The following TRHDE variants were observed in gnomAD, a reference collection of about 807,000 sequenced individuals.
TRHDE encodes the protein thyrotropin releasing hormone degrading enzyme.
In TRHDE, 72 loss-of-function variants were observed where a neutral mutation model predicts 125.7. The ratio of observed to expected loss-of-function variants is 0.57; its 90% CI spans 0.47 to 0.70. The LOEUF is 0.70. Among genes scored for constraint, TRHDE ranks in the 30% least tolerant of loss-of-function variants. The pLI is 0.00. For missense variants in TRHDE, 1,110 were observed against 1,327.1 expected (o/e 0.84, Z 2.54); for synonymous variants, 509 against 509.1 (o/e 1.00, Z 0.00).
intron 6 of TRHDE, among the ~76,000 whole-genome samples, chr12:72,539,555 G>A (rs1358174202): frequency 6.6e-6 from 1 of 151,872 alleles, no homozygotes; most frequent in Admixed American, 6.6e-5. Context: ...ACCAAGTCAT[G>A]AGGACACAGT....
At chr12:72,586,061 G>C (rs1278070226) in intron 12 of TRHDE, among the ~76,000 whole-genome samples, 1 of 152,116 alleles carries the variant, frequency 6.6e-6, no homozygotes, top group East Asian at 1.9e-4. Context: ...CAATGATAAA[G>C]TAAAGAGCTG....
chr12:72,237,416 A>T (rs996758484), intron 2 of TRHDE, among the ~76,000 whole-genome samples: 1 of 152,220 alleles, frequency 6.6e-6, no homozygotes, highest in African/African-American at 2.4e-5. Flanking sequence ...ATAACCATTT[A>T]GGAGCAAACC....
At chr12:72,597,666 T>TAA (rs758942039) in intron 12 of TRHDE, among the ~76,000 whole-genome samples, 10,016 of 75,514 alleles carry the variant, frequency 0.13, 1,051 homozygotes, top group Middle Eastern at 0.31. Context: ...AGACCTTGTC[T>TAA]AAAAAAAAAA....
chr12:72,384,424 C>T (rs1297298573), intron 3 of TRHDE, among the ~76,000 whole-genome samples: 2 of 151,976 alleles, frequency 1.3e-5, no homozygotes, highest in East Asian at 1.9e-4. Context: ...GAGACTCGCA[C>T]AATATGGAAT....
At chr12:72,485,823 G>T (rs1877379400) in intron 5 of TRHDE, among the ~76,000 whole-genome samples, 1 of 152,144 alleles carries the variant, frequency 6.6e-6, no homozygotes, top group African/African-American at 2.4e-5. Context: ...CTGAGTAGGT[G>T]CCCTGCTTGA....
chr12:72,620,692 A>G (rs1042585505), intron 13 of TRHDE, among the ~76,000 whole-genome samples: 1 of 152,164 alleles, frequency 6.6e-6, no homozygotes, highest in African/African-American at 2.4e-5. Context: ...CCAACATAGT[A>G]GTTTTGCATT....
chr12:72,270,593 T>C (rs150556596), upstream of TRHDE, among the ~76,000 whole-genome samples: 2 of 152,356 alleles, frequency 1.3e-5, no homozygotes, highest in Admixed American at 1.3e-4. Flanking sequence ...TAAAATGCCT[T>C]CAAGATTTGA....
At chr12:72,503,171 T>G (rs775943662) in intron 6 of TRHDE, among the ~76,000 whole-genome samples, 1 of 152,160 alleles carries the variant, frequency 6.6e-6, no homozygotes, top group Non-Finnish European at 1.5e-5. Context: ...ACATGGATAC[T>G]CTGTACTAGT....
chr12:72,095,381 G>T (rs544152719), intron 1 of TRHDE, among the ~76,000 whole-genome samples: 2 of 152,334 alleles, frequency 1.3e-5, no homozygotes, highest in African/African-American at 4.8e-5. Flanking sequence ...TCCTAGGAAG[G>T]AGTGAGGTTT....
chr12:72,149,302 C>T (rs1460577202), intron 2 of TRHDE, among the ~76,000 whole-genome samples: 2 of 152,028 alleles, frequency 1.3e-5, no homozygotes, highest in Non-Finnish European at 2.9e-5. Flanking sequence ...ATAGTCCATT[C>T]CTTCTTATAC....
At chr12:72,489,387 G>A (rs985712430) in intron 5 of TRHDE, among the ~76,000 whole-genome samples, 1 of 151,802 alleles carries the variant, frequency 6.6e-6, no homozygotes, top group African/African-American at 2.4e-5. Flanking sequence ...TCATGGATGT[G>A]AAGAATTAAT....
At chr12:72,321,064 A>G (rs1240228935) in intron 2 of TRHDE, among the ~76,000 whole-genome samples, 1 of 152,176 alleles carries the variant, frequency 6.6e-6, no homozygotes, top group East Asian at 1.9e-4. Flanking sequence ...CATCAACTCG[A>G]ATGACAATAA....
intron 2 of TRHDE, among the ~76,000 whole-genome samples, chr12:72,260,448 G>A (rs1426059969): frequency 1.3e-5 from 2 of 152,138 alleles, no homozygotes; most frequent in Non-Finnish European, 2.9e-5. Flanking sequence ...GGTCTTGACT[G>A]TGGGACCAAC....
rs112847654 is a variant in TRHDE at position 72,210,249 on chromosome 12, A to G, written n.279+104497A>G. On this transcript the variant is annotated intron_variant and non_coding_transcript_variant, in intron 2 of 4. Coordinates refer to the TRHDE transcript ENST00000548156. ...GCATATCTATCTTTTGGGTGTGTGTACCTTTAGCATATGACATTAAAAGTT... is the reference window on the plus strand; with the variant it reads ...GCATATCTATCTTTTGGGTGTGTGTGCCTTTAGCATATGACATTAAAAGTT... Among the ~76,000 whole-genome samples the G allele has an allele frequency of 2.3e-3, 346 of 151,948 alleles. 2 individuals are homozygous for G. Among genetic ancestry groups the G allele is most frequent in the African/African-American group, 7.8e-3 (322 of 41,392 alleles).
chr12:72,637,334 G>GGGATTGGTGGTGAT (rs1873805313), intron 15 of TRHDE, among the ~76,000 whole-genome samples: 1 of 152,132 alleles, frequency 6.6e-6, no homozygotes, highest in Admixed American at 6.5e-5. Flanking sequence ...GTATTTCTGT[G>GGGATTGGTGGTGAT]GGATTGGTGG....
intron 15 of TRHDE, among the ~76,000 whole-genome samples, chr12:72,640,212 TG>T (rs1403090025): frequency 6.6e-6 from 1 of 152,190 alleles, no homozygotes; most frequent in Non-Finnish European, 1.5e-5. Flanking sequence ...CCTGGTGTGC[TG>T]TTTTTTAAGC....
rs78962206 is a variant in TRHDE at position 72,115,065 on chromosome 12, C to T, written n.279+9313C>T. Among the ~76,000 whole-genome samples the T allele has an allele frequency of 5.4e-3, 816 of 152,142 alleles. 4 individuals are homozygous for T. Among genetic ancestry groups the T allele is most frequent in the Admixed American group, 9.8e-3 (150 of 15,240 alleles). On this transcript the variant is annotated intron_variant and non_coding_transcript_variant, in intron 2 of 4. Transcript: ENST00000548156. ...ACCTCAGGGTAAATGGGGTATCCAT[C>T]TATCCTTTCTTTGTGTTGCAAACAA...
At chr12:72,419,400 T>C (rs1250868356) in intron 3 of TRHDE, among the ~76,000 whole-genome samples, 1 of 152,200 alleles carries the variant, frequency 6.6e-6, no homozygotes, top group African/African-American at 2.4e-5. Flanking sequence ...TTTTGGCTCA[T>C]GGTTCTGCAA....
intron 13 of TRHDE, among the ~76,000 whole-genome samples, chr12:72,620,717 G>C (rs1009040461): frequency 2.0e-5 from 3 of 152,010 alleles, no homozygotes; most frequent in African/African-American, 7.2e-5. Flanking sequence ...ATGCCTTGTT[G>C]ATATAAAATG....
Sources: gnomAD v4.1 joint callset for allele counts (sites outside exome capture counted in the v4.1 genomes callset) on GRCh38, gnomAD v4.1.1 for gene constraint, MANE v1.5 for transcripts, NCBI Gene and HGNC (gene_info 2026-07-23, HGNC 2026-07-21) for gene names.